Variants in PPP2R5E observed in about 807,000 individuals in gnomAD.
PPP2R5E encodes serine/threonine-protein phosphatase 2A 56 kDa regulatory subunit epsilon isoform.
PPP2R5E carries 4 observed loss-of-function variants against 65.3 expected under a neutral mutation model. The observed-to-expected ratio is 0.06, with a 90% CI of 0.03 to 0.14. PPP2R5E has a LOEUF of 0.14. Among genes scored for constraint, PPP2R5E ranks in the 10% least tolerant of loss-of-function variants. The probability of loss-of-function intolerance (pLI) is 1.00; values close to 1 mark genes in which losing one functional copy is unlikely to be tolerated. For synonymous variants in PPP2R5E, 183 were observed against 187.4 expected, an observed-to-expected ratio of 0.98 and a Z score of 0.19; for missense variants, 274 against 556.1, an observed-to-expected ratio of 0.49 and a Z score of 5.10.
Position 63,382,080 on chromosome 14 carries a change from G to T in PPP2R5E, c.1280C>A (p.Ala427Asp). 4 of 1,613,290 alleles carry T rather than the reference G, an allele frequency of 2.5e-6. No homozygotes were observed. The highest frequency in any genetic ancestry group is 3.4e-6 in the Non-Finnish European group (4 of 1,179,518). ...MNSTMFDELT[A>D]TYKSDRQREK... ...CCGCTGACGATCTGACTTGTATGTG[G>T]CTGTCAGCTCGTCAAACATGGTGCT... Residue 427 changes from alanine (A) to aspartate (D), a missense_variant, in exon 13 of 14, where the codon GCC (alanine) becomes GAC (aspartate). Around this residue, in one of 6 missense-constraint regions of PPP2R5E, gnomAD observed 129 missense variants for 254.9 expected, o/e 0.51. Coordinates refer to ENST00000337537, the MANE Select transcript of PPP2R5E (RefSeq NM_006246.5).
At chr14:63,401,730 A>G (rs1416973340) in intron 5 of PPP2R5E, among the ~76,000 whole-genome samples, 1 of 152,170 alleles carries the variant, frequency 6.6e-6, no homozygotes, top group African/African-American at 2.4e-5. Flanking sequence ...GAGAAAATTT[A>G]GACTTATTTG....
chr14:63,530,344 T>G (rs1594977149), intron 2 of PPP2R5E, among the ~76,000 whole-genome samples: 1 of 147,724 alleles, frequency 6.8e-6, no homozygotes, highest in East Asian at 2.1e-4. Flanking sequence ...GCGATTCTCC[T>G]GCCTCAGCCT....
rs148361536 is a variant in PPP2R5E, at chr14:63,461,550, C to T, written c.158-7665G>A. Among the ~76,000 whole-genome samples the T allele has an allele frequency of 5.9e-3, 897 of 151,640 alleles. 9 individuals carry two copies. The highest frequency in any genetic ancestry group is 0.024 in the Middle Eastern group (7 of 294). On this transcript the variant is annotated intron_variant, in intron 2 of 13. Coordinates refer to ENST00000337537, the MANE Select transcript of PPP2R5E (RefSeq NM_006246.5). ...TTGGCTCCCACCCAAAATCCCAGCA[C>T]TTTGGGAGGCCAAGGTGGGAGGATC... is the stretch of plus-strand genomic sequence containing the variant.
At chr14:63,477,517 G>A (rs540251239) in intron 2 of PPP2R5E, among the ~76,000 whole-genome samples, 1 of 151,956 alleles carries the variant, frequency 6.6e-6, no homozygotes, top group East Asian at 1.9e-4. Flanking sequence ...AAGAGGGGAG[G>A]GGAGAAGAGA....
chr14:63,382,404 T>C (rs1437581189), intron 12 of PPP2R5E, among the ~76,000 whole-genome samples: 2 of 98,702 alleles, frequency 2.0e-5, no homozygotes, highest in South Asian at 6.3e-4. Context: ...TTCTAATTTC[T>C]TTTTTTTTTT....
At chr14:63,535,966 C>T (rs1050819984) in intron 2 of PPP2R5E, among the ~76,000 whole-genome samples, 1 of 152,154 alleles carries the variant, frequency 6.6e-6, no homozygotes, top group Non-Finnish European at 1.5e-5. Context: ...ATACACATTA[C>T]TGAAGTCTAT....
intron 12 of PPP2R5E, among the ~76,000 whole-genome samples, chr14:63,383,767 T>C (rs1884505822): frequency 6.6e-6 from 1 of 152,216 alleles, no homozygotes; most frequent in African/African-American, 2.4e-5. Context: ...TTAACTTTCA[T>C]AGGGCTGGAT....
intron 2 of PPP2R5E, among the ~76,000 whole-genome samples, chr14:63,516,897 T>C (rs372514342): frequency 3.3e-5 from 5 of 152,364 alleles, no homozygotes; most frequent in Admixed American, 6.5e-5. Flanking sequence ...TAGAGCTCAA[T>C]AGCAAACCTA....
intron 2 of PPP2R5E, among the ~76,000 whole-genome samples, chr14:63,513,855 AG>A (rs1050411217): frequency 6.6e-6 from 1 of 152,182 alleles, no homozygotes; most frequent in African/African-American, 2.4e-5. Flanking sequence ...ATAAGGCAAG[AG>A]GGGCCAGGGT....
chr14:63,455,753 A>T (rs559911851), intron 2 of PPP2R5E, among the ~76,000 whole-genome samples: 1 of 152,234 alleles, frequency 6.6e-6, no homozygotes, highest in Non-Finnish European at 1.5e-5. Context: ...AATTACTAAA[A>T]TCTTTCGAGA....
In PPP2R5E at chr14:63,532,320, C is replaced by CA. The variant is rs36112644; in HGVS notation, c.157+7208dup. Among the ~76,000 whole-genome samples, 221 of 151,772 alleles carry CA rather than the reference C, an allele frequency of 1.5e-3. 2 individuals are homozygous for CA. The highest frequency in any genetic ancestry group is 4.9e-3 in the African/African-American group (201 of 41,338). The stretch of plus-strand genomic sequence containing the variant: ...GAACCATATGGCTGTATTATCTATT[C>CA]AAAAAATGAATAAATTAAAAATAAA... On this transcript the variant is annotated intron_variant, in intron 2 of 13. Transcript: ENST00000337537.
chr14:63,400,679 G>C (rs917179840), intron 5 of PPP2R5E, among the ~76,000 whole-genome samples: 1 of 66,478 alleles, frequency 1.5e-5, no homozygotes, highest in Admixed American at 2.4e-4. Flanking sequence ...AGGAAAGAAA[G>C]GCATGTGGCC....
At chr14:63,420,328 A>C (rs1886934914) in intron 4 of PPP2R5E, among the ~76,000 whole-genome samples, 1 of 152,208 alleles carries the variant, frequency 6.6e-6, no homozygotes, top group Non-Finnish European at 1.5e-5. Flanking sequence ...AAGACATGAC[A>C]ATTCACCCAT....
intron 10 of PPP2R5E, among the ~76,000 whole-genome samples, chr14:63,390,030 G>A (rs73272558): frequency 0.026 from 3,882 of 151,690 alleles, 175 homozygotes; most frequent in African/African-American, 0.09. Flanking sequence ...GACCCCGTAG[G>A]GCCTTCCTCT....
intron 3 of PPP2R5E, among the ~76,000 whole-genome samples, chr14:63,426,843 T>A (rs893900867): frequency 6.6e-6 from 1 of 152,168 alleles, no homozygotes; most frequent in South Asian, 2.1e-4. Flanking sequence ...AATCAGGTCA[T>A]CCATGGATGG....
At chr14:63,414,180 C>A (rs1332836160) in intron 5 of PPP2R5E, among the ~76,000 whole-genome samples, 2 of 152,076 alleles carry the variant, frequency 1.3e-5, no homozygotes, top group African/African-American at 4.8e-5. Context: ...ATCCTAAATT[C>A]CAAATGTATT....
At chr14:63,388,746 T>A (rs925131962) in intron 11 of PPP2R5E, among the ~76,000 whole-genome samples, 6 of 152,228 alleles carry the variant, frequency 3.9e-5, no homozygotes, top group Non-Finnish European at 8.8e-5. Flanking sequence ...TCTCTAACTA[T>A]ACAGCATAGT....
intron 2 of PPP2R5E, among the ~76,000 whole-genome samples, chr14:63,514,467 T>TAGTTC (rs1352852547): frequency 6.6e-6 from 1 of 151,388 alleles, no homozygotes; most frequent in Non-Finnish European, 1.5e-5. Flanking sequence ...AAACTATGTT[T>TAGTTC]ATTATACTAC....
At chr14:63,402,994 G>T (rs537591220) in intron 5 of PPP2R5E, among the ~76,000 whole-genome samples, 20 of 152,296 alleles carry the variant, frequency 1.3e-4, no homozygotes, top group African/African-American at 4.8e-4. Context: ...ATACAAAGAA[G>T]ACAGGTCATT....
Sources: allele counts gnomAD v4.1 joint callset (sites outside exome capture counted in the v4.1 genomes callset), GRCh38; gene constraint gnomAD v4.1.1; regional missense constraint gnomAD v4.1.1; transcripts MANE v1.5; gene names NCBI Gene and HGNC (gene_info 2026-07-23, HGNC 2026-07-21).